The following SGCD variants were observed in gnomAD, a reference collection of about 807,000 sequenced individuals.
The protein encoded by SGCD is sarcoglycan delta.
Under a neutral mutation model 36.6 loss-of-function variants are expected in SGCD, and 18 were observed. The ratio of observed to expected loss-of-function variants is 0.49; its 90% CI spans 0.34 to 0.73. The LOEUF is 0.73. SGCD is among the 30% of genes least tolerant of loss of function. The pLI is 0.01. For missense variants in SGCD, 387 were observed against 346.7 expected, an observed-to-expected ratio of 1.12 and a Z score of -0.92; for synonymous variants, 133 against 130.6, an observed-to-expected ratio of 1.02 and a Z score of -0.12.
the SGCD span, among the ~76,000 whole-genome samples, chr5:155,835,017 T>C: frequency 7.6e-6 from 1 of 131,996 alleles, no homozygotes; most frequent in Non-Finnish European, 1.6e-5. Context: ...TTTTTTTTTT[T>C]TTTTTTTTGA....
chr5:155,813,245 A>G, the SGCD span, among the ~76,000 whole-genome samples: 11 of 152,104 alleles, frequency 7.2e-5, no homozygotes, highest in Admixed American at 6.6e-4. Flanking sequence ...TCTGTAGGCA[A>G]TGGTAAGTTA....
intron 3 of SGCD, among the ~76,000 whole-genome samples, chr5:156,257,422 A>C (rs1192076195): frequency 6.6e-6 from 1 of 152,008 alleles, no homozygotes. Flanking sequence ...TGCAGTGAGC[A>C]GAGATGGCGA....
At chr5:156,077,708 AC>A (rs143576303) in intron 1 of SGCD, among the ~76,000 whole-genome samples, 1 of 152,148 alleles carries the variant, frequency 6.6e-6, no homozygotes, top group East Asian at 1.9e-4. Context: ...ACTCCTCAAT[AC>A]CACACCCCTA....
chr5:156,466,418 C>T (rs760479639), intron 3 of SGCD, among the ~76,000 whole-genome samples: 11 of 152,140 alleles, frequency 7.2e-5, no homozygotes, highest in Admixed American at 2.0e-4. Flanking sequence ...GACTATCGGG[C>T]GTTCAATTGG....
chr5:156,091,025 G>A (rs1188385034), intron 1 of SGCD, among the ~76,000 whole-genome samples: 3 of 152,124 alleles, frequency 2.0e-5, no homozygotes, highest in South Asian at 2.1e-4. Context: ...TCAAACACAC[G>A]TTTTGCAAAC....
intron 4 of SGCD, among the ~76,000 whole-genome samples, chr5:156,569,999 T>A (rs989719217): frequency 6.6e-6 from 1 of 152,106 alleles, no homozygotes; most frequent in Non-Finnish European, 1.5e-5. Context: ...AGGATTTTTT[T>A]CCCCCATGAG....
chr5:156,749,084 T>C (rs1277524013), intron 7 of SGCD, among the ~76,000 whole-genome samples: 1 of 152,130 alleles, frequency 6.6e-6, no homozygotes, highest in Non-Finnish European at 1.5e-5. Flanking sequence ...AAGGAACTGA[T>C]GTTATACAGA....
chr5:156,011,673 C>G (rs889084130), intron 1 of SGCD, among the ~76,000 whole-genome samples: 1 of 152,120 alleles, frequency 6.6e-6, no homozygotes, highest in Admixed American at 6.5e-5. Flanking sequence ...CTCCTGACCT[C>G]GTGATCCACC....
chr5:155,818,476 A>G, the SGCD span, among the ~76,000 whole-genome samples: 1 of 152,076 alleles, frequency 6.6e-6, no homozygotes, highest in Admixed American at 6.6e-5. Flanking sequence ...CAGGCCTGAG[A>G]GGTGTGACTT....
the SGCD span, among the ~76,000 whole-genome samples, chr5:155,780,225 G>A: frequency 3.3e-5 from 5 of 152,062 alleles, no homozygotes; most frequent in Non-Finnish European, 7.4e-5. Context: ...CCCCTAAACA[G>A]CTTGACATGG....
chr5:155,955,916 A>C (rs1757640235), intron 1 of SGCD, among the ~76,000 whole-genome samples: 1 of 152,146 alleles, frequency 6.6e-6, no homozygotes, highest in Non-Finnish European at 1.5e-5. Flanking sequence ...AGTTAGCCCT[A>C]AAGTAAAACC....
rs114637035 is a variant in SGCD at position 155,899,716 on chromosome 5, G to A, written c.-282+29292G>A. Among the ~76,000 whole-genome samples the A allele has an allele frequency of 1.4e-3, 210 of 152,256 alleles. 1 individual carries two copies. Among genetic ancestry groups the A allele is most frequent in the African/African-American group, 4.7e-3 (197 of 41,548 alleles). ...GAATTTATGATTTGCTTTATGGAGG[G>A]CAATGAGGTTGAAACTTACCTTTTC... On this transcript the variant is annotated intron_variant, in intron 1 of 9. Transcript: ENST00000517913.
chr5:155,813,156 G>A, the SGCD span, among the ~76,000 whole-genome samples: 3 of 151,940 alleles, frequency 2.0e-5, no homozygotes, highest in Admixed American at 1.3e-4. Context: ...GAGGGGATGC[G>A]AGAGGAGGTT....
At chr5:156,458,617 ATG>A in intron 3 of SGCD, 2 of 667,768 alleles carry the variant, frequency 3.0e-6, no homozygotes, top group Admixed American at 2.7e-5. Flanking sequence ...ATTTGTAAAA[ATG>A]AAAAAAATAC....
intron 3 of SGCD, among the ~76,000 whole-genome samples, chr5:156,450,164 G>A (rs151312953): frequency 6.6e-5 from 10 of 152,210 alleles, no homozygotes; most frequent in Non-Finnish European, 1.3e-4. Context: ...CTCTCAGAAA[G>A]CTTCGGTAGG....
At chr5:155,826,314 CT>C in the SGCD span, among the ~76,000 whole-genome samples, 1 of 152,318 alleles carries the variant, frequency 6.6e-6, no homozygotes, top group Admixed American at 6.5e-5. Context: ...CCAGAGTTAT[CT>C]TTTAAAAACA....
chr5:156,703,420 G>C (rs865856261), intron 7 of SGCD, among the ~76,000 whole-genome samples: 1 of 142,154 alleles, frequency 7.0e-6, no homozygotes, highest in Middle Eastern at 3.8e-3. Flanking sequence ...CTATCCCTCT[G>C]CCTGGAATTT....
intron 1 of SGCD, among the ~76,000 whole-genome samples, chr5:155,938,124 T>A (rs1206575397): frequency 6.6e-6 from 1 of 152,222 alleles, no homozygotes; most frequent in Non-Finnish European, 1.5e-5. Context: ...TGTTGCCTTG[T>A]TGGCCCAGGG....
intron 3 of SGCD, among the ~76,000 whole-genome samples, chr5:156,430,175 A>G (rs1411000576): frequency 6.6e-6 from 1 of 152,162 alleles, no homozygotes; most frequent in Non-Finnish European, 1.5e-5. Context: ...GCCATTTTAC[A>G]TAATTCCATA....
Sources: gnomAD v4.1 joint callset for allele counts (sites outside exome capture counted in the v4.1 genomes callset) on GRCh38, gnomAD v4.1.1 for gene constraint, MANE v1.5 for transcripts, NCBI Gene and HGNC (gene_info 2026-07-23, HGNC 2026-07-21) for gene names.